TMEM232: variants seen among roughly 807,000 people sequenced by gnomAD.
TMEM232 encodes transmembrane protein 232.
In TMEM232, 80 loss-of-function variants were observed where a neutral mutation model predicts 78.8. The ratio of observed to expected loss-of-function variants is 1.01; its 90% CI spans 0.85 to 1.22. The LOEUF is 1.22. Among genes scored for constraint, TMEM232 ranks in the 50% most tolerant of loss-of-function variants. TMEM232 has a pLI of 0.00. For synonymous variants in TMEM232, 297 were observed against 254.3 expected (o/e 1.17, Z -1.60); for missense variants, 881 against 742.2 (o/e 1.19, Z -2.17).
chr5:110,701,696 T>C (rs563473456), intron 1 of TMEM232, among the ~76,000 whole-genome samples: 2 of 152,190 alleles, frequency 1.3e-5, no homozygotes, highest in African/African-American at 4.8e-5. Context: ...TAGAATGTTA[T>C]GCCTCAAGTT....
intron 2 of TMEM232, among the ~76,000 whole-genome samples, chr5:110,654,251 T>C (rs1422935119): frequency 2.0e-5 from 3 of 152,188 alleles, no homozygotes; most frequent in Non-Finnish European, 4.4e-5. Context: ...TCAGGTCTCT[T>C]TCTAAGGATT....
At chr5:110,500,986 G>T (rs902789600) in intron 12 of TMEM232, among the ~76,000 whole-genome samples, 1 of 152,154 alleles carries the variant, frequency 6.6e-6, no homozygotes, top group Admixed American at 6.5e-5. Flanking sequence ...GATACAAAAT[G>T]ATGTGGTTTG....
intron 7 of TMEM232, among the ~76,000 whole-genome samples, chr5:110,619,450 A>G (rs1225493737): frequency 6.6e-6 from 1 of 152,188 alleles, no homozygotes; most frequent in African/African-American, 2.4e-5. Flanking sequence ...GTATTTATCT[A>G]CTTTATGTCA....
intron 1 of TMEM232, 94 bp from the exon 2 acceptor site, chr5:110,667,458 C>A: frequency 2.0e-6 from 2 of 988,162 alleles, no homozygotes; most frequent in Admixed American, 3.7e-5. Context: ...AAAAGAATAG[C>A]AAGAACTAAA....
chr5:110,683,686 A>G (rs965767504), intron 1 of TMEM232, among the ~76,000 whole-genome samples: 1 of 151,810 alleles, frequency 6.6e-6, no homozygotes, highest in East Asian at 1.9e-4. Flanking sequence ...ATTATATTCT[A>G]TACAAAAATA....
At chr5:110,455,085 C>T (rs1178038462) in intron 12 of TMEM232, among the ~76,000 whole-genome samples, 1 of 151,946 alleles carries the variant, frequency 6.6e-6, no homozygotes, top group Non-Finnish European at 1.5e-5. Flanking sequence ...AAACTATAAA[C>T]TACCAAAGTT....
intron 10 of TMEM232, among the ~76,000 whole-genome samples, chr5:110,599,100 C>T (rs749466225): frequency 1.3e-5 from 2 of 151,892 alleles, no homozygotes; most frequent in Non-Finnish European, 2.9e-5. Flanking sequence ...AAATAAAATC[C>T]TTTAGAGACA....
At chr5:110,517,319 G>T (rs560005404) in intron 12 of TMEM232, among the ~76,000 whole-genome samples, 7 of 152,288 alleles carry the variant, frequency 4.6e-5, no homozygotes, top group African/African-American at 1.4e-4. Context: ...CTTTTCTTTA[G>T]ACGGAGAATC....
intron 2 of TMEM232, among the ~76,000 whole-genome samples, chr5:110,399,359 C>T (rs1256485236): frequency 6.6e-6 from 1 of 152,128 alleles, no homozygotes; most frequent in Non-Finnish European, 1.5e-5. Flanking sequence ...TATTTGTTAA[C>T]TCTCCTCCGA....
In TMEM232 at chr5:110,573,219, C is replaced by G. The variant is rs551088491; in HGVS notation, c.1277-4594G>C. 2.0e-5 allele frequency among the ~76,000 whole-genome samples: 3 copies of G among 152,096 alleles called. No individual in the cohort carries two copies. The South Asian group carries it at 6.2e-4, about 32-fold the overall frequency. ...ACCCTTTGATAGACTTTAATTGCCA[C>G]TGAAGAGACTTACATTTCATATATT... is the stretch of plus-strand genomic sequence containing the variant. On this transcript the variant is annotated intron_variant, in intron 10 of 13. Coordinates refer to ENST00000455884, the MANE Select transcript of TMEM232 (RefSeq NM_001039763.4).
intron 2 of TMEM232, among the ~76,000 whole-genome samples, chr5:110,411,440 T>C (rs1238572057): frequency 6.6e-6 from 1 of 152,200 alleles, no homozygotes; most frequent in Non-Finnish European, 1.5e-5. Flanking sequence ...TTTCAAAATA[T>C]ATCTTATTAT....
chr5:110,623,613 T>C (rs746708686), intron 7 of TMEM232, among the ~76,000 whole-genome samples: 1 of 152,114 alleles, frequency 6.6e-6, no homozygotes, highest in Non-Finnish European at 1.5e-5. Context: ...AAGCTAGCTG[T>C]ACTGGAGAAA....
chr5:110,602,280 G>A (rs929264285), intron 10 of TMEM232, among the ~76,000 whole-genome samples: 1 of 152,070 alleles, frequency 6.6e-6, no homozygotes, highest in African/African-American at 2.4e-5. Context: ...GGCAACAAAA[G>A]CCAAAATTGA....
At position 110,393,919 on chromosome 5, in the gene TMEM232, C is replaced by T. The variant is rs537174778; in HGVS notation, n.391-3279G>A. Among the ~76,000 whole-genome samples the T allele has an allele frequency of 1.5e-4, 22 of 144,554 alleles. 1 individual carries two copies. The highest frequency in any genetic ancestry group is 6.4e-4 in the Admixed American group (9 of 14,124). 94.8% of individuals were successfully genotyped at this position (144,554 alleles called of 152,430 possible). A position where few individuals can be genotyped will look rare whatever the true frequency, so the allele number is the denominator to read the frequency against. ...GTTGCAGCGGGCCACAATCACGCCA[C>T]TGCACTCCAGCCTAGGTGACAAGAG... On this transcript the variant is annotated intron_variant and non_coding_transcript_variant, in intron 3 of 8. Coordinates refer to the TMEM232 transcript ENST00000507188.
chr5:110,499,786 C>A (rs1050501199), intron 12 of TMEM232, among the ~76,000 whole-genome samples: 2 of 151,888 alleles, frequency 1.3e-5, no homozygotes, highest in African/African-American at 4.8e-5. Context: ...AGGTGATAGT[C>A]AAATCTACAA....
chr5:110,712,380 C>T (rs1580760777), intron 1 of TMEM232, among the ~76,000 whole-genome samples: 1 of 151,854 alleles, frequency 6.6e-6, no homozygotes, highest in African/African-American at 2.4e-5. Context: ...ATATATGGAG[C>T]TCAAACAACT....
chr5:110,464,926 TAAG>T (rs1761917041), intron 12 of TMEM232, among the ~76,000 whole-genome samples: 1 of 152,074 alleles, frequency 6.6e-6, no homozygotes, highest in Non-Finnish European at 1.5e-5. Context: ...AGACAGTAAA[TAAG>T]AAGTGGAGAA....
chr5:110,553,859 A>G (rs908985752), intron 11 of TMEM232, among the ~76,000 whole-genome samples: 3 of 152,168 alleles, frequency 2.0e-5, no homozygotes, highest in African/African-American at 7.2e-5. Context: ...GGTTTGTCAT[A>G]GATGACTCTT....
chr5:110,656,086 G>A (rs1321858708), intron 2 of TMEM232, among the ~76,000 whole-genome samples: 1 of 152,022 alleles, frequency 6.6e-6, no homozygotes, highest in Non-Finnish European at 1.5e-5. Flanking sequence ...ATTGGCTGAG[G>A]TTAGAACTGA....
Sources: gnomAD v4.1 joint callset for allele counts (sites outside exome capture counted in the v4.1 genomes callset) on GRCh38, gnomAD v4.1.1 for gene constraint, MANE v1.5 for transcripts, NCBI Gene and HGNC (gene_info 2026-07-23, HGNC 2026-07-21) for gene names.